The following PDE2A variants were observed in gnomAD, a reference collection of about 807,000 sequenced individuals.
PDE2A encodes the protein cGMP-dependent 3',5'-cyclic phosphodiesterase.
A neutral mutation model predicts 133.6 loss-of-function variants in PDE2A; 53 were observed. That is an observed-to-expected ratio of 0.40 (90% CI 0.32 to 0.50). PDE2A has a LOEUF of 0.50. Among genes scored for constraint, PDE2A ranks in the 20% least tolerant of loss-of-function variants. The probability of loss-of-function intolerance (pLI) is 0.73; values close to 1 mark genes in which losing one functional copy is unlikely to be tolerated. For synonymous variants in PDE2A, 491 were observed against 490.2 expected, an observed-to-expected ratio of 1.00 and a Z score of -0.02; for missense variants, 796 against 1,232.4, an observed-to-expected ratio of 0.65 and a Z score of 5.30.
At chr11:72,600,086 G>C (rs1300319688) in intron 4 of PDE2A, among the ~76,000 whole-genome samples, 3 of 152,242 alleles carry the variant, frequency 2.0e-5, no homozygotes, top group Non-Finnish European at 2.9e-5. Flanking sequence ...GCCACAAGGA[G>C]GTTGGTGTGA....
chr11:72,672,981 T>C (rs1402820180), intron 1 of PDE2A, among the ~76,000 whole-genome samples: 1 of 151,720 alleles, frequency 6.6e-6, no homozygotes, highest in Non-Finnish European at 1.5e-5. Context: ...TACACACATA[T>C]AGATACACAC....
At chr11:72,639,113 C>T (rs1265611213) in intron 2 of PDE2A, among the ~76,000 whole-genome samples, 1 of 152,236 alleles carries the variant, frequency 6.6e-6, no homozygotes, top group Non-Finnish European at 1.5e-5. Flanking sequence ...TCTCAAGCAC[C>T]TGCTGGGAGG....
At chr11:72,579,704 C>T (rs1009548105) in intron 25 of PDE2A, 96 bp from the exon 26 acceptor site, 7 of 830,914 alleles carry the variant, frequency 8.4e-6, no homozygotes, top group African/African-American at 5.0e-5. Flanking sequence ...CCAGCTCCAG[C>T]CCCCAGGTCA....
chr11:72,644,392 T>C (rs1175635190), intron 1 of PDE2A, among the ~76,000 whole-genome samples: 2 of 152,218 alleles, frequency 1.3e-5, no homozygotes, highest in Non-Finnish European at 2.9e-5. Flanking sequence ...TCCCTTCCTA[T>C]TTTTGGCCTC....
intron 1 of PDE2A, chr11:72,652,621 A>G (rs1565193012): frequency 1.8e-5 from 8 of 456,258 alleles, no homozygotes; most frequent in Non-Finnish European, 2.6e-5. Flanking sequence ...ACCACCTACT[A>G]AGTGCCAGAT....
chr11:72,652,572 A>G (rs1393534886), intron 1 of PDE2A: 1 of 456,142 alleles, frequency 2.2e-6, no homozygotes, highest in Non-Finnish European at 4.4e-6. Context: ...TAAATTTTAA[A>G]CAACTTTAAA....
In PDE2A at chr11:72,598,762, C is replaced by T. The variant is rs745647398; in HGVS notation, c.324-1143G>A. The T allele has an allele frequency of 9.4e-5, 93 of 985,396 alleles. 1 individual carries two copies. Among genetic ancestry groups the T allele is most frequent in the Admixed American group, 1.8e-4 (3 of 16,286 alleles). The allele number at this position is 985,396 out of a possible 1,614,324, so 61.0% of individuals were successfully genotyped here. A position where few individuals can be genotyped will look rare whatever the true frequency, so the allele number is the denominator to read the frequency against. On this transcript the variant is annotated intron_variant, in intron 4 of 30. Transcript: ENST00000334456. ...CAAATCGAGGACCAAAGAGGTTGAG[C>T]ATCTCGTTCAAGCTCACGCAGCATT...
chr11:72,585,545 T>C lies in PDE2A; in HGVS notation c.1222+9A>G, dbSNP rs771965037. On this transcript the variant is annotated intron_variant, in intron 15 of 30. Coordinates refer to ENST00000334456, the MANE Select transcript of PDE2A (RefSeq NM_002599.5). Reference sequence around the variant, plus strand: ...ACACACAGCCAGGCAGAGAGAACAGTGCACTCACCCAGGTGGGTGAAGAGG... The same window carrying C: ...ACACACAGCCAGGCAGAGAGAACAGCGCACTCACCCAGGTGGGTGAAGAGG... The C allele has an allele frequency of 6.8e-6, 11 of 1,613,810 alleles. 1 individual carries two copies. The South Asian group carries it at 7.7e-5, about 11-fold the overall frequency.
chr11:72,673,063 C>T (rs937091915), intron 1 of PDE2A, among the ~76,000 whole-genome samples: 5 of 152,020 alleles, frequency 3.3e-5, no homozygotes, highest in Non-Finnish European at 5.9e-5. Context: ...AATACTTATA[C>T]GCACACAGCC....
rs528245643 is a variant in PDE2A, at chr11:72,577,193, G to A, written c.*191C>T. ...TCAGAAAACAAATTACAAAGTCTCC[G>A]TGAGGTTGGAAGTCTTGCTTCCATT... On this transcript the variant is annotated 3_prime_UTR_variant, in exon 31 of 31. Coordinates refer to ENST00000334456, the MANE Select transcript of PDE2A (RefSeq NM_002599.5). The A allele has an allele frequency of 9.6e-5, 56 of 583,662 alleles. No individual in the cohort carries two copies. In the African/African-American group the frequency reaches 9.7e-4, roughly 10 times the overall value. The allele number at this position is 583,662 out of a possible 1,614,324, so 36.2% of individuals were successfully genotyped here.
Position 72,666,672 on chromosome 11 carries a change from T to C in PDE2A, c.71+7465A>G, listed in dbSNP as rs59222962. The stretch of plus-strand genomic sequence containing the variant: ...ATATCCCCTCATCCCTGTGCTCACA[T>C]TGAGACACAGGCATCTGTATACACA... On this transcript the variant is annotated intron_variant, in intron 1 of 30. Coordinates refer to ENST00000334456, the MANE Select transcript of PDE2A (RefSeq NM_002599.5). Among the ~76,000 whole-genome samples the C allele has an allele frequency of 8.2e-3, 1,246 of 152,304 alleles. 11 individuals carry two copies. Among genetic ancestry groups the C allele is most frequent in the African/African-American group, 0.028 (1,159 of 41,566 alleles).
At chr11:72,663,470 T>C (rs567896308) in intron 1 of PDE2A, among the ~76,000 whole-genome samples, 1 of 152,262 alleles carries the variant, frequency 6.6e-6, no homozygotes, top group South Asian at 2.1e-4. Context: ...GGTTCACGCC[T>C]GTAATCCCAG....
chr11:72,644,724 ATTTATTTTAT>A (rs71062783), intron 1 of PDE2A, among the ~76,000 whole-genome samples: 30,663 of 148,596 alleles, frequency 0.21, 4,073 homozygotes, highest in Middle Eastern at 0.3. Context: ...AAGTTATTTT[ATTTATTTTAT>A]TTTATTTTAT....
At chr11:72,579,763 G>C (rs1260168511) in intron 25 of PDE2A, 155 bp from the exon 26 acceptor site, 3 of 610,062 alleles carry the variant, frequency 4.9e-6, no homozygotes, top group Non-Finnish European at 8.7e-6. Context: ...CCCTTTCTGA[G>C]CTCTGTTTCA....
chr11:72,611,672 T>A (rs112458237), intron 2 of PDE2A, among the ~76,000 whole-genome samples: 1 of 152,180 alleles, frequency 6.6e-6, no homozygotes, highest in Non-Finnish European at 1.5e-5. Context: ...ATGTGACTGA[T>A]GAAGCCCAGG....
intron 1 of PDE2A, among the ~76,000 whole-genome samples, chr11:72,644,252 G>GT (rs1859065993): frequency 6.6e-6 from 1 of 152,190 alleles, no homozygotes; most frequent in South Asian, 2.1e-4. Context: ...GAGGTGTAGA[G>GT]TAAGTGATCT....
At chr11:72,642,048 A>G (rs1297518153) in intron 2 of PDE2A, among the ~76,000 whole-genome samples, 1 of 152,192 alleles carries the variant, frequency 6.6e-6, no homozygotes, top group Non-Finnish European at 1.5e-5. Flanking sequence ...CCCGGATCCG[A>G]AAGGAGTTCA....
At chr11:72,579,718 G>A in intron 25 of PDE2A, 110 bp from the exon 26 acceptor site, 3 of 732,140 alleles carry the variant, frequency 4.1e-6, no homozygotes, top group Non-Finnish European at 6.9e-6. Context: ...CAGGTCAGCA[G>A]AGCAGTCAGA....
Position 72,615,351 on chromosome 11 carries a change from T to C in PDE2A, c.145-6600A>G, listed in dbSNP as rs565220280. On this transcript the variant is annotated intron_variant, in intron 2 of 30. Transcript: ENST00000334456. ...ATCAGGAGCTAGGTTTGGGGGTGGATGAAGGAATGGGAAGAGGGAAAGAGC... is the reference window on the plus strand; with the variant it reads ...ATCAGGAGCTAGGTTTGGGGGTGGACGAAGGAATGGGAAGAGGGAAAGAGC... Among the ~76,000 whole-genome samples the C allele has an allele frequency of 2.0e-4, 30 of 152,004 alleles. 1 individual carries two copies. The highest frequency in any genetic ancestry group is 7.0e-4 in the African/African-American group (29 of 41,438).
Sources: gnomAD v4.1 joint callset for allele counts (sites outside exome capture counted in the v4.1 genomes callset) on GRCh38, gnomAD v4.1.1 for gene constraint, MANE v1.5 for transcripts, NCBI Gene and HGNC (gene_info 2026-07-23, HGNC 2026-07-21) for gene names.